Variants in NRXN3 observed in about 807,000 individuals in gnomAD.
NRXN3 encodes neurexin III.
Under a neutral mutation model 137.6 loss-of-function variants are expected in NRXN3, and 32 were observed. The observed-to-expected ratio is 0.23, with a 90% CI of 0.18 to 0.31. The LOEUF (loss-of-function observed/expected upper bound fraction) is 0.31. Ranked by LOEUF, NRXN3 falls within the 10% of genes least tolerant of loss-of-function variation. The pLI is 1.00. For missense variants in NRXN3, 1,574 were observed against 2,062.5 expected, an observed-to-expected ratio of 0.76 and a Z score of 4.59; for synonymous variants, 798 against 784.5, an observed-to-expected ratio of 1.02 and a Z score of -0.29.
chr14:78,414,915 G>A (rs552445196), intron 4 of NRXN3, among the ~76,000 whole-genome samples: 5 of 152,288 alleles, frequency 3.3e-5, no homozygotes, highest in South Asian at 2.1e-4. Context: ...AGGAGAGCAA[G>A]GGAGGCTCAC....
intron 4 of NRXN3, among the ~76,000 whole-genome samples, chr14:78,447,372 C>T (rs150556923): frequency 7.7e-4 from 117 of 152,280 alleles, no homozygotes; most frequent in African/African-American, 2.8e-3. Context: ...TACGGAGGCA[C>T]CCTAAGGCCT....
intron 16 of NRXN3, among the ~76,000 whole-genome samples, chr14:79,624,044 A>G (rs1394986392): frequency 6.6e-6 from 1 of 152,090 alleles, no homozygotes; most frequent in Non-Finnish European, 1.5e-5. Flanking sequence ...CTTCATGACT[A>G]CTGTTAAAGA....
At chr14:79,754,234 C>T (rs1040724062) in intron 19 of NRXN3, among the ~76,000 whole-genome samples, 3 of 151,774 alleles carry the variant, frequency 2.0e-5, no homozygotes, top group East Asian at 1.9e-4. Flanking sequence ...CCCAGCTGCT[C>T]GGGAGGCTGA....
intron 19 of NRXN3, among the ~76,000 whole-genome samples, chr14:79,773,585 A>T (rs1395969919): frequency 7.4e-6 from 1 of 135,578 alleles, no homozygotes; most frequent in Non-Finnish European, 1.5e-5. Flanking sequence ...CAATGAGAAC[A>T]CATGGACACA....
chr14:79,144,555 C>T (rs1388173412), intron 15 of NRXN3, among the ~76,000 whole-genome samples: 1 of 152,132 alleles, frequency 6.6e-6, no homozygotes, highest in East Asian at 1.9e-4. Flanking sequence ...GTCTGGGTAG[C>T]CTTGCTCTAT....
intron 17 of NRXN3, among the ~76,000 whole-genome samples, chr14:79,687,452 T>C (rs1159543155): frequency 6.6e-6 from 1 of 152,198 alleles, no homozygotes; most frequent in Non-Finnish European, 1.5e-5. Flanking sequence ...GCCCTAGTAC[T>C]TGAGGGCAGC....
intron 20 of NRXN3, among the ~76,000 whole-genome samples, chr14:79,856,520 C>G (rs942215758): frequency 6.6e-6 from 1 of 152,118 alleles, no homozygotes; most frequent in African/African-American, 2.4e-5. Context: ...CCCAGAGTCT[C>G]ACTGTTCAGC....
chr14:78,643,465 A>C (rs973245618), intron 4 of NRXN3, among the ~76,000 whole-genome samples: 3 of 152,244 alleles, frequency 2.0e-5, no homozygotes, highest in African/African-American at 4.8e-5. Flanking sequence ...TCTGGCAAGA[A>C]GACAAATGGA....
intron 15 of NRXN3, among the ~76,000 whole-genome samples, chr14:79,376,879 A>G (rs760844384): frequency 1.6e-4 from 24 of 152,216 alleles, no homozygotes; most frequent in Non-Finnish European, 3.1e-4. Flanking sequence ...ATGCCATGCA[A>G]TCCTATTAAT....
At chr14:78,517,104 C>T (rs1463794694) in intron 4 of NRXN3, among the ~76,000 whole-genome samples, 1 of 152,012 alleles carries the variant, frequency 6.6e-6, no homozygotes, top group African/African-American at 2.4e-5. Context: ...TAGGCCATGT[C>T]CAAATCATTT....
intron 16 of NRXN3, among the ~76,000 whole-genome samples, chr14:79,481,819 A>G (rs1600936410): frequency 6.6e-6 from 1 of 151,860 alleles, no homozygotes; most frequent in Non-Finnish European, 1.5e-5. Context: ...GGTCTGGGGG[A>G]TGGGTGCTGC....
At chr14:78,251,989 G>A (rs990718262) in intron 2 of NRXN3, among the ~76,000 whole-genome samples, 1 of 152,076 alleles carries the variant, frequency 6.6e-6, no homozygotes, top group Non-Finnish European at 1.5e-5. Context: ...AACTGACATT[G>A]CCAGTGGGTT....
intron 15 of NRXN3, among the ~76,000 whole-genome samples, chr14:79,380,637 G>C (rs1353749651): frequency 6.6e-6 from 1 of 152,116 alleles, no homozygotes; most frequent in Admixed American, 6.6e-5. Flanking sequence ...TTGGTATTGT[G>C]AATAGTGCCG....
chr14:78,900,909 C>A (rs1281183707), intron 10 of NRXN3, among the ~76,000 whole-genome samples: 4 of 151,958 alleles, frequency 2.6e-5, no homozygotes, highest in Non-Finnish European at 5.9e-5. Flanking sequence ...GTTTGATGAG[C>A]CCATTTGACA....
intron 16 of NRXN3, among the ~76,000 whole-genome samples, chr14:79,511,804 A>G (rs1052555900): frequency 6.6e-6 from 1 of 152,210 alleles, no homozygotes; most frequent in Non-Finnish European, 1.5e-5. Flanking sequence ...CAGAACAAAT[A>G]AGTGTTAAAA....
chr14:78,492,467 C>A (rs572175633), intron 4 of NRXN3, among the ~76,000 whole-genome samples: 43 of 152,180 alleles, frequency 2.8e-4, no homozygotes, highest in African/African-American at 1.0e-3. Context: ...TAGTTCCTAG[C>A]TTTGATAAGC....
intron 1 of NRXN3, among the ~76,000 whole-genome samples, chr14:78,171,902 T>G (rs930861257): frequency 1.3e-5 from 2 of 152,196 alleles, no homozygotes; most frequent in Admixed American, 6.5e-5. Flanking sequence ...AATACTTTTT[T>G]TTTTAATGCA....
chr14:79,811,964 C>G (rs185918096), intron 20 of NRXN3, among the ~76,000 whole-genome samples: 97 of 152,094 alleles, frequency 6.4e-4, no homozygotes, highest in African/African-American at 2.2e-3. Context: ...CTTTTAAAAT[C>G]CTTAATGGTG....
chr14:79,505,950 C>T (rs974432534), intron 16 of NRXN3, among the ~76,000 whole-genome samples: 1 of 152,166 alleles, frequency 6.6e-6, no homozygotes, highest in Non-Finnish European at 1.5e-5. Flanking sequence ...CTGTATTTCT[C>T]ATCTAAAGAC....
Sources: gnomAD v4.1 joint callset for allele counts (sites outside exome capture counted in the v4.1 genomes callset) on GRCh38, gnomAD v4.1.1 for gene constraint, MANE v1.5 for transcripts, NCBI Gene and HGNC (gene_info 2026-07-23, HGNC 2026-07-21) for gene names.